CMSS1: variants seen among roughly 807,000 people sequenced by gnomAD.
CMSS1 encodes the protein protein CMSS1.
Under a neutral mutation model 43.5 loss-of-function variants are expected in CMSS1, and 33 were observed. That is an observed-to-expected ratio of 0.76 (90% CI 0.57 to 1.01). CMSS1 has a LOEUF of 1.01. CMSS1 is among the 50% of genes least tolerant of loss of function. The pLI is 0.00. For synonymous variants in CMSS1, 115 were observed against 117.2 expected (o/e 0.98, Z 0.12); for missense variants, 313 against 326.4 (o/e 0.96, Z 0.32).
intron 1 of CMSS1, among the ~76,000 whole-genome samples, chr3:100,104,442 A>G (rs543064176): frequency 3.2e-4 from 49 of 152,316 alleles, no homozygotes; most frequent in South Asian, 1.0e-3. Context: ...TACTCCAGAA[A>G]GATGTAGCAA....
intron 1 of CMSS1, among the ~76,000 whole-genome samples, chr3:99,900,782 C>T (rs1315276105): frequency 6.6e-6 from 1 of 152,212 alleles, no homozygotes; most frequent in Non-Finnish European, 1.5e-5. Context: ...GTTGCTGTTT[C>T]AGCCTCAGAG....
chr3:100,004,203 C>T (rs1034612964), intron 1 of CMSS1, among the ~76,000 whole-genome samples: 1 of 152,086 alleles, frequency 6.6e-6, no homozygotes, highest in Admixed American at 6.5e-5. Context: ...CTCCAAGAAA[C>T]CTAAACTCCA....
chr3:100,077,835 G>A (rs2065873829), intron 1 of CMSS1, among the ~76,000 whole-genome samples: 1 of 152,136 alleles, frequency 6.6e-6, no homozygotes, highest in South Asian at 2.1e-4. Flanking sequence ...TTGAGCCCAG[G>A]AGGTAGAGGC....
chr3:99,920,757 G>T (rs1707100483), intron 1 of CMSS1, among the ~76,000 whole-genome samples: 1 of 152,162 alleles, frequency 6.6e-6, no homozygotes, highest in South Asian at 2.1e-4. Context: ...TGTGACATCA[G>T]TCTCCTTTAG....
At chr3:100,076,426 T>C (rs2065851730) in intron 1 of CMSS1, among the ~76,000 whole-genome samples, 1 of 152,232 alleles carries the variant, frequency 6.6e-6, no homozygotes, top group Non-Finnish European at 1.5e-5. Flanking sequence ...CTTTTATCAT[T>C]GTCAGCATGT....
At chr3:100,024,233 A>G (rs777166235) in intron 1 of CMSS1, among the ~76,000 whole-genome samples, 3 of 152,200 alleles carry the variant, frequency 2.0e-5, no homozygotes, top group Non-Finnish European at 4.4e-5. Flanking sequence ...CCATTGCAGT[A>G]GAAGCCTTGG....
chr3:100,135,031 A>G (rs779929233), intron 1 of CMSS1, among the ~76,000 whole-genome samples: 1 of 152,224 alleles, frequency 6.6e-6, no homozygotes, highest in African/African-American at 2.4e-5. Flanking sequence ...TACCTGTCTC[A>G]TAAGATTGAT....
intron 1 of CMSS1, among the ~76,000 whole-genome samples, chr3:100,059,890 T>C (rs1450914365): frequency 6.6e-6 from 1 of 152,204 alleles, no homozygotes; most frequent in Admixed American, 6.5e-5. Flanking sequence ...AAAACATGCA[T>C]GTGGACTGGA....
intron 1 of CMSS1, among the ~76,000 whole-genome samples, chr3:100,118,013 TTA>T (rs2066590818): frequency 6.6e-6 from 1 of 150,932 alleles, no homozygotes. Flanking sequence ...ATGATTCCAC[TTA>T]TATAAGGTAC....
At chr3:100,123,391 G>T (rs2066637344) in intron 1 of CMSS1, among the ~76,000 whole-genome samples, 1 of 152,214 alleles carries the variant, frequency 6.6e-6, no homozygotes, top group African/African-American at 2.4e-5. Context: ...GATTGAAGGA[G>T]GAATTAGGGT....
At chr3:100,116,948 T>G (rs2107487588) in intron 1 of CMSS1, among the ~76,000 whole-genome samples, 1 of 152,350 alleles carries the variant, frequency 6.6e-6, no homozygotes, top group East Asian at 1.9e-4. Context: ...AATAAGAGTT[T>G]CATGTTCTTT....
At chr3:99,933,015 A>G (rs145321860) in intron 1 of CMSS1, among the ~76,000 whole-genome samples, 6 of 152,342 alleles carry the variant, frequency 3.9e-5, no homozygotes, top group Non-Finnish European at 7.3e-5. Context: ...AAGTCTCACA[A>G]CAACACTATG....
At chr3:100,034,414 G>T (rs1314820063) in intron 1 of CMSS1, among the ~76,000 whole-genome samples, 1 of 152,178 alleles carries the variant, frequency 6.6e-6, no homozygotes, top group African/African-American at 2.4e-5. Context: ...GTAATGGAAA[G>T]AATTCACTAG....
At chr3:99,876,482 C>T (rs966237051) in intron 1 of CMSS1, among the ~76,000 whole-genome samples, 28 of 152,226 alleles carry the variant, frequency 1.8e-4, no homozygotes, top group African/African-American at 6.8e-4. Context: ...CCCTCTGGGT[C>T]CCTAAAGCTG....
intron 1 of CMSS1, among the ~76,000 whole-genome samples, chr3:100,028,956 T>C (rs1290534068): frequency 2.0e-5 from 3 of 152,126 alleles, no homozygotes; most frequent in African/African-American, 7.2e-5. Context: ...CTGTTGATGT[T>C]TTACAAGCTC....
chr3:99,827,206 TTTTG>T (rs1942551319), intron 1 of CMSS1, among the ~76,000 whole-genome samples: 2 of 152,240 alleles, frequency 1.3e-5, no homozygotes, highest in African/African-American at 4.8e-5. Context: ...ATTGTTATTA[TTTTG>T]AGACAGAGTC....
intron 1 of CMSS1, among the ~76,000 whole-genome samples, chr3:100,077,547 G>A (rs1307634703): frequency 6.6e-6 from 1 of 152,182 alleles, no homozygotes; most frequent in Non-Finnish European, 1.5e-5. Flanking sequence ...AACATTCCAG[G>A]TAGAGGAATT....
intron 1 of CMSS1, among the ~76,000 whole-genome samples, chr3:99,862,675 T>G (rs1437595658): frequency 6.6e-6 from 1 of 152,222 alleles, no homozygotes; most frequent in African/African-American, 2.4e-5. Flanking sequence ...GCAGAGAAAT[T>G]GAGTCTGGTT....
chr3:99,911,780 T>C (rs1470691017), intron 1 of CMSS1, among the ~76,000 whole-genome samples: 1 of 152,200 alleles, frequency 6.6e-6, no homozygotes, highest in Non-Finnish European at 1.5e-5. Context: ...ATTCTACTTA[T>C]GTTTCCACCT....
Sources: gnomAD v4.1 joint callset for allele counts (sites outside exome capture counted in the v4.1 genomes callset) on GRCh38, gnomAD v4.1.1 for gene constraint, MANE v1.5 for transcripts, NCBI Gene and HGNC (gene_info 2026-07-23, HGNC 2026-07-21) for gene names.